Variants in PDE1C observed in about 807,000 individuals in gnomAD.
PDE1C encodes the protein dual specificity calcium/calmodulin-dependent 3',5'-cyclic nucleotide phosphodiesterase 1C.
PDE1C carries 62 observed loss-of-function variants against 93.1 expected under a neutral mutation model. The ratio of observed to expected loss-of-function variants is 0.67; its 90% CI spans 0.54 to 0.82. The LOEUF (loss-of-function observed/expected upper bound fraction) is 0.82. PDE1C is among the 40% of genes least tolerant of loss of function. PDE1C has a pLI of 0.00. For missense variants in PDE1C, 742 were observed against 884.6 expected (o/e 0.84, Z 2.04); for synonymous variants, 325 against 310.1 (o/e 1.05, Z -0.50).
chr7:31,932,913 C>G (rs1285873171), intron 2 of PDE1C, among the ~76,000 whole-genome samples: 1 of 152,042 alleles, frequency 6.6e-6, no homozygotes, highest in East Asian at 1.9e-4. Context: ...ATGTTCTTTG[C>G]AAGGACGTGG....
intron 11 of PDE1C, among the ~76,000 whole-genome samples, chr7:31,830,275 ACT>A (rs1270033507): frequency 1.3e-5 from 2 of 152,154 alleles, no homozygotes; most frequent in Non-Finnish European, 2.9e-5. Context: ...ATAACACAAT[ACT>A]GTATGACTCT....
At chr7:32,138,663 AAATT>A in intron 3 of PDE1C, among the ~76,000 whole-genome samples, 1 of 152,272 alleles carries the variant, frequency 6.6e-6, no homozygotes, top group South Asian at 2.1e-4. Context: ...TGAGTAATAA[AAATT>A]ATTAATTAAT....
the PDE1C span, among the ~76,000 whole-genome samples, chr7:31,675,988 C>T: frequency 6.6e-6 from 1 of 152,102 alleles, no homozygotes; most frequent in Non-Finnish European, 1.5e-5. Flanking sequence ...TAACCATTGG[C>T]TCCCATCTCC....
intron 1 of PDE1C, among the ~76,000 whole-genome samples, chr7:32,235,899 T>G (rs1252037057): frequency 6.6e-6 from 1 of 152,066 alleles, no homozygotes; most frequent in Non-Finnish European, 1.5e-5. Flanking sequence ...TTTTAAGACT[T>G]AAGCTACAGT....
chr7:32,197,250 T>C (rs1804689729), intron 2 of PDE1C, among the ~76,000 whole-genome samples: 1 of 152,104 alleles, frequency 6.6e-6, no homozygotes, highest in South Asian at 2.1e-4. Flanking sequence ...CCACAATATA[T>C]CAATATTTCA....
chr7:31,831,688 G>A (rs1039063974), intron 11 of PDE1C, among the ~76,000 whole-genome samples: 2 of 152,014 alleles, frequency 1.3e-5, no homozygotes, highest in African/African-American at 4.8e-5. Context: ...ATAAAGTGAA[G>A]AAGAAAAGAG....
At chr7:31,693,833 A>C in the PDE1C span, among the ~76,000 whole-genome samples, 86 of 152,328 alleles carry the variant, frequency 5.6e-4, no homozygotes, top group African/African-American at 2.0e-3. Context: ...GAAGGAAGAG[A>C]AGGAAATGAA....
At chr7:31,950,262 C>T (rs1356443484) in intron 2 of PDE1C, among the ~76,000 whole-genome samples, 1 of 152,182 alleles carries the variant, frequency 6.6e-6, no homozygotes, top group African/African-American at 2.4e-5. Context: ...GCAAGCTCTA[C>T]TCCCAATGGG....
intron 3 of PDE1C, among the ~76,000 whole-genome samples, chr7:32,083,897 A>G (rs1796878531): frequency 1.3e-5 from 2 of 152,132 alleles, no homozygotes; most frequent in Admixed American, 1.3e-4. Context: ...CTGCAAAATC[A>G]TGCCAAAATG....
In PDE1C at chr7:32,393,505, G is replaced by A. The variant is rs866459484; in HGVS notation, c.310+34317C>T. Among the ~76,000 whole-genome samples, 3 of 152,160 alleles carry A rather than the reference G, an allele frequency of 2.0e-5. No individual in the cohort carries two copies. The Middle Eastern group carries it at 0.01, about 518-fold the overall frequency. On this transcript the variant is annotated intron_variant, in intron 1 of 1. Transcript: ENST00000672256. ...ATCATTTAATTATTTTTATATTTAA[G>A]TTAATCTATAAGGCTATGACTTAAA... is the stretch of plus-strand genomic sequence containing the variant.
intron 7 of PDE1C, among the ~76,000 whole-genome samples, chr7:31,855,687 CA>C (rs1241734548): frequency 9.5e-6 from 1 of 104,768 alleles, no homozygotes; most frequent in Non-Finnish European, 2.1e-5. Flanking sequence ...CATAAACGAC[CA>C]AAAAAATAAA....
chr7:31,807,581 A>G (rs922749114), intron 16 of PDE1C, among the ~76,000 whole-genome samples: 1 of 152,002 alleles, frequency 6.6e-6, no homozygotes, highest in Non-Finnish European at 1.5e-5. Flanking sequence ...TCAAAATGGC[A>G]TACGAAAAAT....
At chr7:32,392,026 T>C (rs969146520) in intron 1 of PDE1C, among the ~76,000 whole-genome samples, 1 of 151,698 alleles carries the variant, frequency 6.6e-6, no homozygotes, top group Non-Finnish European at 1.5e-5. Flanking sequence ...TAAAGAAAAA[T>C]TGATTTTTAA....
At chr7:32,422,411 G>C (rs1785450721) in intron 1 of PDE1C, among the ~76,000 whole-genome samples, 1 of 152,068 alleles carries the variant, frequency 6.6e-6, no homozygotes, top group South Asian at 2.1e-4. Flanking sequence ...GCTGTGGTTT[G>C]GGGTACAATT....
intron 1 of PDE1C, among the ~76,000 whole-genome samples, chr7:32,400,593 G>C (rs1411356522): frequency 6.6e-6 from 1 of 152,186 alleles, no homozygotes; most frequent in African/African-American, 2.4e-5. Context: ...GCCATGGAAA[G>C]TTTTCTTTTC....
At chr7:32,051,132 G>A (rs1793297569) in intron 2 of PDE1C, among the ~76,000 whole-genome samples, 1 of 152,166 alleles carries the variant, frequency 6.6e-6, no homozygotes, top group African/African-American at 2.4e-5. Context: ...CCTGTGCTTT[G>A]AGCTCAACAG....
intron 1 of PDE1C, among the ~76,000 whole-genome samples, chr7:32,361,519 C>T (rs73092195): frequency 0.063 from 9,520 of 152,294 alleles, 438 homozygotes; most frequent in South Asian, 0.21. Context: ...CACCTTCCCA[C>T]GCCCTGCGCA....
chr7:31,834,821 G>A lies in PDE1C; in HGVS notation c.1203+2359C>T, dbSNP rs1353152705. Among the ~76,000 whole-genome samples, 3 of 152,030 alleles carry A rather than the reference G, an allele frequency of 2.0e-5. No homozygotes were observed. The East Asian group carries it at 5.8e-4, about 29-fold the overall frequency. On this transcript the variant is annotated intron_variant, in intron 11 of 17. Transcript: ENST00000396191. ...GGGGACTGTTGGGAAGGTATGATTG[G>A]TTTTGAAATGTTAGAATACGAGATT...
intron 16 of PDE1C, among the ~76,000 whole-genome samples, chr7:31,794,650 G>T (rs538515071): frequency 6.6e-6 from 1 of 151,928 alleles, no homozygotes; most frequent in Admixed American, 6.6e-5. Context: ...CCCACTTTTA[G>T]CAGACAAGTA....
Sources: allele counts gnomAD v4.1 joint callset (sites outside exome capture counted in the v4.1 genomes callset), GRCh38; gene constraint gnomAD v4.1.1; transcripts MANE v1.5; gene names NCBI Gene and HGNC (gene_info 2026-07-23, HGNC 2026-07-21).